The following AP5Z1 variants were observed in gnomAD, a reference collection of about 807,000 sequenced individuals.
The protein encoded by AP5Z1 is adaptor related protein complex 5 subunit zeta 1.
In AP5Z1, 106 loss-of-function variants were observed where a neutral mutation model predicts 83.0. The observed-to-expected ratio is 1.28, with a 90% CI of 1.09 to 1.50. AP5Z1 has a LOEUF of 1.50. Ranked by LOEUF, AP5Z1 falls within the 40% of genes most tolerant of loss-of-function variation. The probability of loss-of-function intolerance (pLI) is 0.00; values close to 1 mark genes in which losing one functional copy is unlikely to be tolerated. For synonymous variants in AP5Z1, 751 were observed against 514.1 expected (o/e 1.46, Z -6.23); for missense variants, 1,565 against 1,094.2 (o/e 1.43, Z -6.07).
rs769000047 is a variant in AP5Z1 at position 4,786,283 on chromosome 7, A to G, written c.1166A>G (p.Tyr389Cys). 6.2e-6 allele frequency: 10 copies of G among 1,612,846 alleles called. No individual in the cohort carries two copies. The highest frequency in any genetic ancestry group is 1.7e-5 in the Admixed American group (1 of 59,944). The change falls in exon 10 of 17, where the codon TAC (tyrosine) becomes TGC (cysteine). Residue 389 changes from tyrosine (Y) to cysteine (C), a missense_variant. Coordinates refer to ENST00000649063, the MANE Select transcript of AP5Z1 (RefSeq NM_014855.3). ...GCTGCAGTGGACTCGGAAGCCGTCTACCAGCACCTGTTCACCAGGATCCCG... is the reference window on the plus strand; with the variant it reads ...GCTGCAGTGGACTCGGAAGCCGTCTGCCAGCACCTGTTCACCAGGATCCCG... Reference protein sequence around the residue: ...EAAAVDSEAVYQHLFTRIPVE... With the variant: ...EAAAVDSEAVCQHLFTRIPVE...
At chr7:4,787,816 C>T (rs777768331) in intron 11 of AP5Z1, 40 bp downstream of exon 11, 12 of 1,500,170 alleles carry the variant, frequency 8.0e-6, no homozygotes, top group Admixed American at 2.0e-5. Flanking sequence ...GTCTCCCAGC[C>T]AGCTGGTTCC....
intron 16 of AP5Z1, 60 bp from the exon 17 acceptor site, chr7:4,791,055 A>C (rs1481315368): frequency 2.7e-5 from 40 of 1,502,224 alleles, no homozygotes; most frequent in Non-Finnish European, 3.4e-5. Flanking sequence ...GCCCCTCCAC[A>C]CAGACCCCTG....
At chr7:4,789,733 CCCCTCACCTGCCCCCCAG>C (rs1781686750) in intron 13 of AP5Z1, 81 bp from the exon 14 acceptor site, 18 of 846,882 alleles carry the variant, frequency 2.1e-5, no homozygotes, top group Non-Finnish European at 2.6e-5. Flanking sequence ...GAGTCTCCAG[CCCCTCACCTGCCCCCCAG>C]CCCTCACCAT....
chr7:4,791,362 G>A lies in AP5Z1; in HGVS notation c.2401G>A (p.Glu801Lys). The A allele has an allele frequency of 1.2e-6, 2 of 1,607,964 alleles. No individual in the cohort carries two copies. Among genetic ancestry groups the A allele is most frequent in the South Asian group, 1.1e-5 (1 of 90,176 alleles). ...LRTVSRLVER[E>K]AGLMPG is the part of the protein sequence containing the mutation. ...CACGGTCAGCCGGCTGGTGGAGAGGGAGGCCGGCCTCATGCCAGGGTGAAG... is the reference window on the plus strand; with the variant it reads ...CACGGTCAGCCGGCTGGTGGAGAGGAAGGCCGGCCTCATGCCAGGGTGAAG... Residue 801 changes from glutamate to lysine, a missense_variant, in exon 17 of 17, where the codon GAG becomes AAG. Coordinates refer to ENST00000649063, the MANE Select transcript of AP5Z1 (RefSeq NM_014855.3).
intron 11 of AP5Z1, among the ~76,000 whole-genome samples, 172 bp downstream of exon 11, chr7:4,787,948 C>A (rs973999889): frequency 6.6e-6 from 1 of 152,158 alleles, no homozygotes; most frequent in Non-Finnish European, 1.5e-5. Context: ...GTGTCTGTCA[C>A]CCTTGGCCAC....
intron 1 of AP5Z1, among the ~76,000 whole-genome samples, chr7:4,777,726 C>G (rs905532544): frequency 1.3e-5 from 2 of 152,192 alleles, no homozygotes; most frequent in African/African-American, 4.8e-5. Flanking sequence ...CTCTGCCTCC[C>G]TGGCTCGGGT....
Position 4,792,765 on chromosome 7 carries a change from AGC to A in AP5Z1, c.*1383_*1384del, listed in dbSNP as rs1781825840. On this transcript the variant is annotated 3_prime_UTR_variant, in exon 17 of 17. Coordinates refer to ENST00000649063, the MANE Select transcript of AP5Z1 (RefSeq NM_014855.3). ...GTTTGTGTTTCCACGTGGAAACAGC[AGC>A]GCACGTGTACAACTGTGCATACCAA... The A allele has an allele frequency of 6.6e-6, 1 of 152,240 alleles. No individual in the cohort carries two copies. The highest frequency in any genetic ancestry group is 2.4e-5 in the African/African-American group (1 of 41,466). 9.4% of individuals were successfully genotyped at this position (152,240 alleles called of 1,614,324 possible).
At position 4,783,391 on chromosome 7, in the gene AP5Z1, C is replaced by T; in HGVS notation, c.442C>T (p.Pro148Ser). ...RALESRQPEG[P>S]SLRHLLPVMA... ...GCTGGAGAGCCGGCAGCCTGAGGGA[C>T]CCAGCCTCAGACACCTCCTCCCCGT... Residue 148 changes from proline (P) to serine (S), a missense_variant, in exon 4 of 17, where the codon CCC (proline) becomes TCC (serine). Physicochemically the swap from Pro to Ser is moderately conservative, Grantham distance 74. Coordinates refer to ENST00000649063, the MANE Select transcript of AP5Z1 (RefSeq NM_014855.3). The T allele has an allele frequency of 6.2e-7, 1 of 1,613,260 alleles. No homozygotes were observed. Among genetic ancestry groups the T allele is most frequent in the Non-Finnish European group, 8.5e-7 (1 of 1,179,800 alleles).
rs77761283 is a variant in AP5Z1, at chr7:4,788,528, A to G, written c.1595+234A>G. ...CCCACATCAACCCTCATAAGCTTGG[A>G]GGTTGGCCCTGTGGGTGCTCCATTT... On this transcript the variant is annotated intron_variant, in intron 12 of 16. Coordinates refer to ENST00000649063, the MANE Select transcript of AP5Z1 (RefSeq NM_014855.3). 0.065 allele frequency: 36,498 copies of G among 558,766 alleles called. 2,326 individuals are homozygous for G. Among genetic ancestry groups the G allele is most frequent in the African/African-American group, 0.25 (12,992 of 52,298 alleles). 34.6% of individuals were successfully genotyped at this position (558,766 alleles called of 1,614,324 possible).
At position 4,783,682 on chromosome 7, in the gene AP5Z1, A is replaced by G. The variant is rs73305371; in HGVS notation, c.512-7A>G. 31,299 of 1,548,868 alleles carry G rather than the reference A, an allele frequency of 0.02. 2,858 individuals carry two copies. The African/African-American group carries it at 0.27, about 13-fold the overall frequency. On this transcript the variant is annotated splice_polypyrimidine_tract_variant and splice_region_variant and intron_variant, in intron 4 of 16. Coordinates refer to ENST00000649063, the MANE Select transcript of AP5Z1 (RefSeq NM_014855.3). ...CTCACCTCCCCATGCCACCCCACCCACTGCAGACCAGGCCACCCTGCTCAG... is the reference window on the plus strand; with the variant it reads ...CTCACCTCCCCATGCCACCCCACCCGCTGCAGACCAGGCCACCCTGCTCAG...
rs11549840 is a variant in AP5Z1, at chr7:4,781,721, G to C, written c.333G>C (p.Gln111His). ...LAWDHTQNSR[Q>H]LSLVASVLLA... ...GGGACCACACGCAGAACAGCCGGCA[G>C]CTGAGCCTGGTGGCCTCCGTTCTCT... The change falls in exon 3 of 17, where the codon CAG (glutamine) becomes CAC (histidine). Residue 111 changes from glutamine to histidine, a missense_variant. Physicochemically the swap from Gln to His is conservative, Grantham distance 24. Transcript: ENST00000649063. 32,830 of 1,581,108 alleles carry C rather than the reference G, an allele frequency of 0.021. 442 individuals are homozygous for C. Among genetic ancestry groups the C allele is most frequent in the Middle Eastern group, 0.049 (292 of 5,958 alleles).
At chr7:4,782,183 G>T (rs1488847303) in intron 3 of AP5Z1, among the ~76,000 whole-genome samples, 1 of 152,164 alleles carries the variant, frequency 6.6e-6, no homozygotes, top group Non-Finnish European at 1.5e-5. Context: ...CTCCTGAGTA[G>T]CTGGGATTAC....
Position 4,783,317 on chromosome 7 carries a change from G to GTGAC in AP5Z1, c.369_372dup (p.Arg125Ter). 6.2e-7 allele frequency: 1 copy of GTGAC among 1,605,822 alleles called. No individual in the cohort carries two copies. The stretch of plus-strand genomic sequence containing the variant: ...GCGTTTGCCCTGTTTGATTTGAAGG[G>GTGAC]TGACAGAAACGAGGAGGTCAGAGCC... On this transcript the variant is annotated frameshift_variant and splice_region_variant, in exon 4 of 17. Coordinates refer to ENST00000649063, the MANE Select transcript of AP5Z1 (RefSeq NM_014855.3). LOFTEE classifies it high-confidence loss of function.
rs1178549695 is a variant in AP5Z1 at position 4,791,076 on chromosome 7, G to T, written c.2154-39G>T. ...CCACACAGACCCCTGTCCTGGGAGGGGAGCATCTGCAGCTGACGGAGGGAC... is the reference window on the plus strand; with the variant it reads ...CCACACAGACCCCTGTCCTGGGAGGTGAGCATCTGCAGCTGACGGAGGGAC... On this transcript the variant is annotated intron_variant, in intron 16 of 16. Transcript: ENST00000649063. 4 of 1,529,410 alleles carry T rather than the reference G, an allele frequency of 2.6e-6. No homozygotes were observed. The African/African-American group carries it at 4.1e-5, about 16-fold the overall frequency. 94.7% of individuals were successfully genotyped at this position (1,529,410 alleles called of 1,614,324 possible).
At position 4,791,347 on chromosome 7, in the gene AP5Z1, C is replaced by A; in HGVS notation, c.2386C>A (p.Arg796=). The change falls in exon 17 of 17, where the codon CGG becomes AGG. Residue 796 remains arginine, a synonymous_variant. Coordinates refer to ENST00000649063, the MANE Select transcript of AP5Z1 (RefSeq NM_014855.3). ...GCCCCTGGCCCTGCGCACGGTCAGCCGGCTGGTGGAGAGGGAGGCCGGCCT... is the reference window on the plus strand; with the variant it reads ...GCCCCTGGCCCTGCGCACGGTCAGCAGGCTGGTGGAGAGGGAGGCCGGCCT... ...ALPLALRTVS[R]LVEREAGLMP... is the part of the protein sequence containing the mutation. 1.2e-6 allele frequency: 2 copies of A among 1,608,894 alleles called. No individual in the cohort carries two copies. The highest frequency in any genetic ancestry group is 1.3e-5 in the African/African-American group (1 of 74,988).
At position 4,781,706 on chromosome 7, in the gene AP5Z1, G is replaced by A. The variant is rs769266009; in HGVS notation, c.318G>A (p.Thr106=). Reference sequence around the variant, plus strand: ...GCCTCAGCCTGGCCTGGGACCACACGCAGAACAGCCGGCAGCTGAGCCTGG... The same window carrying A: ...GCCTCAGCCTGGCCTGGGACCACACACAGAACAGCCGGCAGCTGAGCCTGG... ...SDSLSLAWDH[T]QNSRQLSLVA... is the part of the protein sequence containing the mutation. Residue 106 remains threonine (T), a synonymous_variant, in exon 3 of 17, where the codon ACG becomes ACA. Transcript: ENST00000649063. 5.4e-5 allele frequency: 85 copies of A among 1,585,772 alleles called. 1 individual carries two copies. Among genetic ancestry groups the A allele is most frequent in the African/African-American group, 6.7e-5 (5 of 74,454 alleles).
chr7:4,785,137 C>G, intron 7 of AP5Z1, 89 bp downstream of exon 7: 2 of 1,508,524 alleles, frequency 1.3e-6, no homozygotes, highest in Non-Finnish European at 8.9e-7. Context: ...CTTCCCTGAG[C>G]TACTGCTCCA....
chr7:4,784,330 T>C lies in AP5Z1; in HGVS notation c.749T>C (p.Leu250Pro). 1 of 1,591,774 alleles carries C rather than the reference T, an allele frequency of 6.3e-7. No homozygotes were observed. Among genetic ancestry groups the C allele is most frequent in the Non-Finnish European group, 8.5e-7 (1 of 1,170,500 alleles). Reference protein sequence around the residue: ...VQAFSMLRAWLLHSGPEGPGT... With the variant: ...VQAFSMLRAWPLHSGPEGPGT... ...GCCTTCTCTATGCTGCGGGCGTGGC[T>C]GCTGCACAGCGGCCCCGAGGGCCCG... is the stretch of plus-strand genomic sequence containing the variant. Residue 250 changes from leucine (L) to proline (P), a missense_variant, in exon 6 of 17, where the codon CTG becomes CCG. Physicochemically the swap from Leu to Pro is moderately conservative, Grantham distance 98. Coordinates refer to ENST00000649063, the MANE Select transcript of AP5Z1 (RefSeq NM_014855.3).
At chr7:4,787,016 C>T (rs1324107738) in intron 10 of AP5Z1, among the ~76,000 whole-genome samples, 1 of 151,920 alleles carries the variant, frequency 6.6e-6, no homozygotes, top group African/African-American at 2.4e-5. Context: ...AGATGATCCT[C>T]CTGCCTTGAC....
Sources: gnomAD v4.1 joint callset for allele counts (sites outside exome capture counted in the v4.1 genomes callset) on GRCh38, gnomAD v4.1.1 for gene constraint, MANE v1.5 for transcripts, NCBI Gene and HGNC (gene_info 2026-07-23, HGNC 2026-07-21) for gene names.